Variants in KAZN observed in about 807,000 individuals in gnomAD.
The protein encoded by KAZN is kazrin.
In KAZN, 40 loss-of-function variants were observed where a neutral mutation model predicts 87.4. That is an observed-to-expected ratio of 0.46 (90% CI 0.36 to 0.60). The LOEUF (loss-of-function observed/expected upper bound fraction) is 0.60, where lower values mean the gene tolerates loss of function less well. KAZN is among the 20% of genes least tolerant of loss of function. The probability of loss-of-function intolerance (pLI) is 0.00; values close to 1 mark genes in which losing one functional copy is unlikely to be tolerated. For synonymous variants in KAZN, 466 were observed against 458.3 expected (o/e 1.02, Z -0.22); for missense variants, 898 against 1,073.9 (o/e 0.84, Z 2.29).
At chr1:14,143,646 C>A (rs958899659) in intron 1 of KAZN, among the ~76,000 whole-genome samples, 1 of 152,098 alleles carries the variant, frequency 6.6e-6, no homozygotes, top group African/African-American at 2.4e-5. Context: ...TACCTCTTGT[C>A]TTGCACAAAT....
intron 1 of KAZN, among the ~76,000 whole-genome samples, chr1:14,618,995 C>T (rs541223975): frequency 1.4e-4 from 22 of 152,064 alleles, no homozygotes; most frequent in Admixed American, 2.0e-4. Flanking sequence ...CACGGCAGGA[C>T]GACAGCATGG....
At chr1:14,687,603 G>T (rs976044653) in intron 1 of KAZN, among the ~76,000 whole-genome samples, 2 of 152,176 alleles carry the variant, frequency 1.3e-5, no homozygotes, top group Non-Finnish European at 2.9e-5. Context: ...TAAGACACAA[G>T]GGGGGAGGAT....
intron 13 of KAZN, among the ~76,000 whole-genome samples, chr1:15,106,808 T>G (rs1160060639): frequency 6.6e-6 from 1 of 152,158 alleles, no homozygotes; most frequent in Non-Finnish European, 1.5e-5. Flanking sequence ...TGACACACAC[T>G]GACTTCCTGC....
intron 2 of KAZN, among the ~76,000 whole-genome samples, chr1:14,359,105 C>G (rs1033789749): frequency 6.6e-6 from 1 of 152,094 alleles, no homozygotes; most frequent in Non-Finnish European, 1.5e-5. Flanking sequence ...TCTGGGTGCT[C>G]CTGTATTGGG....
chr1:14,618,399 A>G (rs1003103825), intron 1 of KAZN, among the ~76,000 whole-genome samples: 3 of 152,194 alleles, frequency 2.0e-5, no homozygotes, highest in African/African-American at 7.2e-5. Context: ...TATTCTGTAC[A>G]TATTTCTTGG....
chr1:14,384,403 A>C (rs948576040), intron 2 of KAZN, among the ~76,000 whole-genome samples: 2 of 152,102 alleles, frequency 1.3e-5, no homozygotes, highest in African/African-American at 2.4e-5. Flanking sequence ...CAGTTTTCAA[A>C]GGGAATGCTT....
intron 1 of KAZN, among the ~76,000 whole-genome samples, chr1:14,787,371 C>G (rs936188761): frequency 2.0e-4 from 31 of 152,318 alleles, no homozygotes; most frequent in South Asian, 2.1e-4. Context: ...AAGTCAAGAT[C>G]TGATCAGTGA....
intron 2 of KAZN, among the ~76,000 whole-genome samples, chr1:14,377,400 C>A (rs1017648197): frequency 5.9e-5 from 9 of 152,230 alleles, no homozygotes; most frequent in African/African-American, 1.9e-4. Flanking sequence ...CGATTGGTCT[C>A]ATTCGCCTTT....
chr1:14,676,664 G>A (rs886238987), intron 1 of KAZN, among the ~76,000 whole-genome samples: 2 of 152,142 alleles, frequency 1.3e-5, no homozygotes, highest in African/African-American at 4.8e-5. Flanking sequence ...GATGAACCTT[G>A]AAAACATCAT....
intron 1 of KAZN, among the ~76,000 whole-genome samples, chr1:14,715,353 C>G (rs1642734742): frequency 6.6e-6 from 1 of 152,202 alleles, no homozygotes; most frequent in Admixed American, 6.5e-5. Context: ...GGGCTGGGTC[C>G]TTGCCTATAG....
At chr1:14,554,026 AGGAACAAGGCTACT>A (rs1673710398) in intron 2 of KAZN, among the ~76,000 whole-genome samples, 1 of 152,330 alleles carries the variant, frequency 6.6e-6, no homozygotes, top group South Asian at 2.1e-4. Context: ...AAGAGTAATT[AGGAACAAGGCTACT>A]GGAGCCAGAC....
chr1:14,059,260 G>T (rs939251884), intron 1 of KAZN, among the ~76,000 whole-genome samples: 4 of 152,174 alleles, frequency 2.6e-5, no homozygotes, highest in African/African-American at 9.7e-5. Flanking sequence ...GCTGGTAGTG[G>T]CTCAGTCTGA....
intron 2 of KAZN, among the ~76,000 whole-genome samples, chr1:14,559,184 G>A (rs1364272889): frequency 2.6e-5 from 4 of 152,208 alleles, no homozygotes; most frequent in African/African-American, 9.6e-5. Flanking sequence ...GAGCCTTGGG[G>A]GAGGGTAGCA....
intron 1 of KAZN, among the ~76,000 whole-genome samples, chr1:14,836,404 C>A (rs907739904): frequency 7.3e-6 from 1 of 136,952 alleles, no homozygotes; most frequent in African/African-American, 2.5e-5. Flanking sequence ...CTGCCCCAAG[C>A]AGCTGCCCCT....
chr1:14,761,196 G>A (rs893770481), intron 1 of KAZN, among the ~76,000 whole-genome samples: 11 of 152,194 alleles, frequency 7.2e-5, no homozygotes, highest in East Asian at 3.9e-4. Context: ...TGTGCCTACC[G>A]TTCCCTCTGT....
At chr1:14,854,645 A>T (rs1649858860) in intron 1 of KAZN, among the ~76,000 whole-genome samples, 1 of 151,872 alleles carries the variant, frequency 6.6e-6, no homozygotes. Flanking sequence ...GACCCTGCTC[A>T]CTCCCATGAG....
intron 1 of KAZN, among the ~76,000 whole-genome samples, chr1:14,041,569 C>G (rs1321219563): frequency 6.6e-6 from 1 of 152,148 alleles, no homozygotes; most frequent in Non-Finnish European, 1.5e-5. Flanking sequence ...TCTCCTGGAG[C>G]CCTCCCTTAT....
intron 1 of KAZN, among the ~76,000 whole-genome samples, chr1:14,681,613 G>GTATATATATATA (rs1338776154): frequency 6.9e-5 from 2 of 29,114 alleles, no homozygotes; most frequent in African/African-American, 1.3e-4. Flanking sequence ...ATGTATATGT[G>GTATATATATATA]TATATATATA....
chr1:15,016,865 C>T (rs549544316), intron 2 of KAZN, among the ~76,000 whole-genome samples: 36 of 152,302 alleles, frequency 2.4e-4, no homozygotes, highest in Non-Finnish European at 5.0e-4. Flanking sequence ...ACGCCACCGG[C>T]GGCCCAGGAT....
Sources: allele counts gnomAD v4.1 joint callset (sites outside exome capture counted in the v4.1 genomes callset), GRCh38; gene constraint gnomAD v4.1.1; transcripts MANE v1.5; gene names NCBI Gene and HGNC (gene_info 2026-07-23, HGNC 2026-07-21).